PXK: variants seen among roughly 807,000 people sequenced by gnomAD.
The protein encoded by PXK is PX domain-containing protein kinase-like protein.
A neutral mutation model predicts 84.7 loss-of-function variants in PXK; 35 were observed. That is an observed-to-expected ratio of 0.41 (90% confidence interval 0.32 to 0.55). The LOEUF is 0.55. PXK is among the 20% of genes least tolerant of loss of function. The pLI is 0.21. For synonymous variants in PXK, 253 were observed against 260.8 expected (o/e 0.97, Z 0.29); for missense variants, 634 against 699.7 (o/e 0.91, Z 1.06).
rs2107226824 is a variant in PXK, at chr3:58,398,903, A to G, written c.1103-396A>G. On this transcript the variant is annotated intron_variant, in intron 11 of 17. Transcript: ENST00000356151. The surrounding 1 kb of genome is among the most constrained non-coding windows in gnomAD (Gnocchi z 4.5). ...GGTGTTGGATGATGAGATATCAACAATTGGCATTTTGTGTGCTGGTTTTGA... is the reference window on the plus strand; with the variant it reads ...GGTGTTGGATGATGAGATATCAACAGTTGGCATTTTGTGTGCTGGTTTTGA... 6.6e-6 allele frequency among the ~76,000 whole-genome samples: 1 copy of G among 152,326 alleles called. No homozygotes were observed. The highest frequency in any genetic ancestry group is 1.5e-5 in the Non-Finnish European group (1 of 68,022).
At chr3:58,386,587 A>G (rs535616301) in intron 4 of PXK, among the ~76,000 whole-genome samples, 5 of 152,124 alleles carry the variant, frequency 3.3e-5, no homozygotes, top group African/African-American at 7.2e-5. Context: ...GAGCCACTGC[A>G]CCTGGCCTAC....
chr3:58,359,457 G>GA (rs1461350988), intron 1 of PXK, among the ~76,000 whole-genome samples: 6 of 151,504 alleles, frequency 4.0e-5, no homozygotes, highest in Non-Finnish European at 7.4e-5. Flanking sequence ...CTTGAACTAG[G>GA]GAGTCAGAGG....
rs1308647857 is a variant in PXK at position 58,399,871 on chromosome 3, T to G, written c.1181+494T>G. Reference sequence around the variant, plus strand: ...AATTTACTCACTGGGTACTATTTATTAAACTCTAGCATGTACCAGGCACTG... The same window carrying G: ...AATTTACTCACTGGGTACTATTTATGAAACTCTAGCATGTACCAGGCACTG... On this transcript the variant is annotated intron_variant, in intron 12 of 17. Transcript: ENST00000356151. This position sits in a 1 kb window ranked among gnomAD's most constrained non-coding sequence, Gnocchi z 4.3. Among the ~76,000 whole-genome samples the G allele has an allele frequency of 6.6e-6, 1 of 152,070 alleles. No individual in the cohort carries two copies. Among genetic ancestry groups the G allele is most frequent in the Non-Finnish European group, 1.5e-5 (1 of 67,988 alleles).
intron 1 of PXK, among the ~76,000 whole-genome samples, chr3:58,339,284 A>G (rs1372328833): frequency 6.9e-6 from 1 of 145,114 alleles, no homozygotes; most frequent in African/African-American, 2.6e-5. Flanking sequence ...AGGCTGGAGT[A>G]TAGTAGTGCG....
chr3:58,408,887 C>G, intron 13 of PXK, 37 bp from the exon 14 acceptor site: 2 of 1,468,042 alleles, frequency 1.4e-6, no homozygotes, highest in Non-Finnish European at 1.9e-6. Flanking sequence ...CTCCAGCCAC[C>G]TTTTTCAATA....
intron 4 of PXK, among the ~76,000 whole-genome samples, chr3:58,386,290 C>CTTTTATTTTTTTTTTTT (rs2098550195): frequency 1.2e-5 from 1 of 82,252 alleles, no homozygotes; most frequent in African/African-American, 4.9e-5. Flanking sequence ...ATCCCCCTTA[C>CTTTTATTTTTTTTTTTT]TTTTTTTTTT....
At position 58,403,924 on chromosome 3, in the gene PXK, T is replaced by A. The variant is rs1176303336; in HGVS notation, c.1230+14T>A. 2.7e-6 allele frequency: 4 copies of A among 1,484,836 alleles called. No individual in the cohort carries two copies. 92.0% of individuals were successfully genotyped at this position (1,484,836 alleles called of 1,614,324 possible). Reference sequence around the variant, plus strand: ...CCACAGTTTAAGGTAAAGACAATTATATCGTTTTTTGGTTTGTGACATAAC... The same window carrying A: ...CCACAGTTTAAGGTAAAGACAATTAAATCGTTTTTTGGTTTGTGACATAAC... On this transcript the variant is annotated intron_variant, in intron 13 of 17. Transcript: ENST00000356151.
At chr3:58,403,590 A>C (rs1038487269) in intron 12 of PXK, among the ~76,000 whole-genome samples, 2 of 152,236 alleles carry the variant, frequency 1.3e-5, no homozygotes, top group African/African-American at 2.4e-5. Context: ...ATTTCTTAAA[A>C]ATGCAATATT....
chr3:58,422,981 C>T (rs2107839636), intron 17 of PXK: 2 of 985,424 alleles, frequency 2.0e-6, no homozygotes, highest in Non-Finnish European at 2.4e-6. Context: ...CCAGATTCCA[C>T]TGCCCTTTTC....
intron 1 of PXK, among the ~76,000 whole-genome samples, chr3:58,355,523 G>A (rs2098056268): frequency 6.6e-6 from 1 of 152,206 alleles, no homozygotes; most frequent in South Asian, 2.1e-4. Flanking sequence ...GGGCCAGAAA[G>A]GTTCAAAATA....
chr3:58,342,294 C>G (rs2097750376), intron 1 of PXK, among the ~76,000 whole-genome samples: 1 of 151,420 alleles, frequency 6.6e-6, no homozygotes, highest in Non-Finnish European at 1.5e-5. Flanking sequence ...CAGAACCTCA[C>G]TGACCTGAAG....
intron 17 of PXK, chr3:58,420,661 G>T: frequency 6.6e-7 from 1 of 1,524,278 alleles, no homozygotes; most frequent in South Asian, 1.2e-5. Flanking sequence ...CTGAAGTGAT[G>T]AACAAGTGGG....
chr3:58,352,428 A>G (rs183562960), intron 1 of PXK, among the ~76,000 whole-genome samples: 1 of 152,334 alleles, frequency 6.6e-6, no homozygotes, highest in African/African-American at 2.4e-5. Flanking sequence ...ATTCTAGCCT[A>G]CTAAACATGT....
rs973734824 is a variant in PXK, at chr3:58,379,700, A to G, written c.202-2814A>G. 6.6e-6 allele frequency among the ~76,000 whole-genome samples: 1 copy of G among 152,236 alleles called. No homozygotes were observed. Among genetic ancestry groups the G allele is most frequent in the Admixed American group, 6.5e-5 (1 of 15,284 alleles). On this transcript the variant is annotated intron_variant, in intron 3 of 17. Transcript: ENST00000356151. The surrounding 1 kb of genome is among the most constrained non-coding windows in gnomAD (Gnocchi z 5.1). ...TTCAAGGTGCTATTAAGGAAGAAAAAGAATAGAAAAGAGTACTTACAAATA... is the reference window on the plus strand; with the variant it reads ...TTCAAGGTGCTATTAAGGAAGAAAAGGAATAGAAAAGAGTACTTACAAATA...
Position 58,383,247 on chromosome 3 carries a change from GCA to G in PXK, c.388+549_388+550del, listed in dbSNP as rs1480607186. On this transcript the variant is annotated intron_variant, in intron 4 of 17. Transcript: ENST00000356151. This position sits in a 1 kb window ranked among gnomAD's most constrained non-coding sequence, Gnocchi z 4.0. ...GTGGAGGTTGCAGTGAGCCGAGATA[GCA>G]CCACTGCACTCTAGCCTAGGCAACA... Among the ~76,000 whole-genome samples the G allele has an allele frequency of 6.6e-6, 1 of 152,120 alleles. No individual in the cohort carries two copies. The highest frequency in any genetic ancestry group is 1.5e-5 in the Non-Finnish European group (1 of 68,036).
At chr3:58,415,996 G>C (rs2060901400) in intron 17 of PXK, among the ~76,000 whole-genome samples, 1 of 152,198 alleles carries the variant, frequency 6.6e-6, no homozygotes, top group South Asian at 2.1e-4. Flanking sequence ...TTTGGGGTCA[G>C]TAGAAAAATG....
intron 3 of PXK, among the ~76,000 whole-genome samples, chr3:58,373,988 T>C (rs1486474582): frequency 7.1e-6 from 1 of 141,794 alleles, no homozygotes; most frequent in Non-Finnish European, 1.5e-5. Context: ...GAGCTTGCAG[T>C]GAGCCGAGAT....
At chr3:58,334,814 G>A in intron 1 of PXK, among the ~76,000 whole-genome samples, 1 of 152,106 alleles carries the variant, frequency 6.6e-6, no homozygotes, top group Non-Finnish European at 1.5e-5. Flanking sequence ...ACCTTACTAT[G>A]CCTCTTTTTC....
chr3:58,382,687 C>A lies in PXK; in HGVS notation c.375C>A (p.Ser125=). 1 of 1,572,174 alleles carries A rather than the reference C, an allele frequency of 6.4e-7. No homozygotes were observed. The highest frequency in any genetic ancestry group is 8.6e-7 in the Non-Finnish European group (1 of 1,163,940). ...VKKFLDPNNY[S]ANYTEIALQQ... ...AGTTTTTAGATCCAAACAACTATTCCGCAAACTATACTGGTAAGCGAAGGA... is the reference window on the plus strand; with the variant it reads ...AGTTTTTAGATCCAAACAACTATTCAGCAAACTATACTGGTAAGCGAAGGA... Residue 125 remains serine, a synonymous_variant, in exon 4 of 18, where the codon TCC becomes TCA. Coordinates refer to ENST00000356151, the MANE Select transcript of PXK (RefSeq NM_017771.5).
Sources: gnomAD v4.1 joint callset for allele counts (sites outside exome capture counted in the v4.1 genomes callset) on GRCh38, gnomAD v4.1.1 for gene constraint, Gnocchi (gnomAD v3.1) non-coding constraint, MANE v1.5 for transcripts, NCBI Gene and HGNC (gene_info 2026-07-23, HGNC 2026-07-21) for gene names.